Variants in LARGE1 observed in about 807,000 individuals in gnomAD.
LARGE1 encodes the protein LARGE xylosyl- and glucuronyltransferase 1.
LARGE1 carries 43 observed loss-of-function variants against 87.6 expected under a neutral mutation model. The observed-to-expected ratio is 0.49, with a 90% CI of 0.38 to 0.63. The LOEUF is 0.63. LARGE1 is among the 30% of genes least tolerant of loss of function. The pLI is 0.00. For synonymous variants in LARGE1, 434 were observed against 394.6 expected (o/e 1.10, Z -1.18); for missense variants, 802 against 1,000.2 (o/e 0.80, Z 2.67).
intron 1 of LARGE1, among the ~76,000 whole-genome samples, chr22:33,917,569 G>C (rs2065823538): frequency 6.6e-6 from 1 of 152,136 alleles, no homozygotes; most frequent in South Asian, 2.1e-4. Flanking sequence ...TGACTGCAGG[G>C]AATATGCAGT....
chr22:33,301,352 G>A (rs1375045619), intron 12 of LARGE1, among the ~76,000 whole-genome samples: 3 of 152,162 alleles, frequency 2.0e-5, no homozygotes, highest in African/African-American at 7.2e-5. Context: ...CACTCTGGTA[G>A]TTTGGGGTGG....
At chr22:33,068,324 A>T in the LARGE1 span, among the ~76,000 whole-genome samples, 1 of 152,146 alleles carries the variant, frequency 6.6e-6, no homozygotes, top group Non-Finnish European at 1.5e-5. Flanking sequence ...CTGCTATACT[A>T]GTAGGACGGG....
At chr22:33,470,519 C>T (rs148648705) in intron 6 of LARGE1, among the ~76,000 whole-genome samples, 5 of 152,312 alleles carry the variant, frequency 3.3e-5, no homozygotes, top group East Asian at 3.9e-4. Context: ...TTTTGCTCCA[C>T]GTTCTCCTCT....
chr22:33,645,808 GAC>G (rs1205420993), intron 3 of LARGE1, among the ~76,000 whole-genome samples: 1 of 152,170 alleles, frequency 6.6e-6, no homozygotes, highest in Non-Finnish European at 1.5e-5. Context: ...CTCAAAAGAA[GAC>G]ACTTATACGG....
intron 11 of LARGE1, among the ~76,000 whole-genome samples, chr22:33,241,603 T>C (rs12485184): frequency 0.049 from 7,478 of 152,034 alleles, 231 homozygotes; most frequent in Admixed American, 0.095. Context: ...TATATGTACA[T>C]ATATATGTAT....
At chr22:33,305,582 T>C (rs1934766953) in intron 11 of LARGE1, 1 of 985,350 alleles carries the variant, frequency 1.0e-6, no homozygotes, top group African/African-American at 1.7e-5. Flanking sequence ...GCCCACTTTA[T>C]TCGGACGATT....
intron 7 of LARGE1, among the ~76,000 whole-genome samples, chr22:33,395,152 C>T (rs1249582174): frequency 1.4e-5 from 2 of 145,102 alleles, no homozygotes. Context: ...TGGTGTGAAC[C>T]CCGGAGGCGG....
intron 5 of LARGE1, among the ~76,000 whole-genome samples, chr22:33,571,809 G>C (rs572024483): frequency 1.3e-5 from 2 of 152,138 alleles, no homozygotes; most frequent in South Asian, 4.2e-4. Flanking sequence ...ACTCTACTCT[G>C]AACTGATGTG....
the LARGE1 span, among the ~76,000 whole-genome samples, chr22:33,105,160 G>A: frequency 3.5e-5 from 5 of 143,944 alleles, no homozygotes; most frequent in African/African-American, 9.9e-5. Context: ...ACCAAGCCCC[G>A]CTATTTTTTT....
At chr22:33,635,118 C>CA (rs1269248304) in intron 3 of LARGE1, among the ~76,000 whole-genome samples, 3,478 of 130,452 alleles carry the variant, frequency 0.027, 85 homozygotes, top group African/African-American at 0.077. Flanking sequence ...ACTCCATCTC[C>CA]AAAAAAAAAA....
intron 1 of LARGE1, among the ~76,000 whole-genome samples, chr22:33,851,669 G>C (rs1351810703): frequency 6.6e-6 from 1 of 152,228 alleles, no homozygotes; most frequent in Non-Finnish European, 1.5e-5. Context: ...CAGAATTTCA[G>C]AGATCTCAGC....
chr22:33,298,732 G>A (rs1161683244), intron 12 of LARGE1, among the ~76,000 whole-genome samples: 1 of 152,214 alleles, frequency 6.6e-6, no homozygotes, highest in Non-Finnish European at 1.5e-5. Flanking sequence ...TTGGGAGGCT[G>A]AGGCAGGAAG....
intron 5 of LARGE1, among the ~76,000 whole-genome samples, chr22:33,569,534 T>C (rs1173369908): frequency 6.6e-6 from 1 of 152,178 alleles, no homozygotes; most frequent in African/African-American, 2.4e-5. Context: ...CAGGAAAAGG[T>C]GGAAAATTAA....
At chr22:33,077,086 G>C in the LARGE1 span, among the ~76,000 whole-genome samples, 1 of 152,036 alleles carries the variant, frequency 6.6e-6, no homozygotes, top group Non-Finnish European at 1.5e-5. Flanking sequence ...CACAAGAAAT[G>C]CTCAAAACTG....
chr22:33,337,952 T>C, intron 9 of LARGE1, 151 bp from the exon 10 acceptor site: 1 of 843,788 alleles, frequency 1.2e-6, no homozygotes, highest in Non-Finnish European at 1.9e-6. Context: ...TGGTTAAGGG[T>C]AGGGGCTCGG....
chr22:33,337,951 G>A, intron 9 of LARGE1, 150 bp from the exon 10 acceptor site: 1 of 845,508 alleles, frequency 1.2e-6, no homozygotes, highest in Non-Finnish European at 1.9e-6. Flanking sequence ...GTGGTTAAGG[G>A]TAGGGGCTCG....
At chr22:33,068,211 A>G in the LARGE1 span, among the ~76,000 whole-genome samples, 4 of 152,180 alleles carry the variant, frequency 2.6e-5, no homozygotes, top group Admixed American at 2.0e-4. Flanking sequence ...GGGTCACCTC[A>G]CTATGGGCAG....
chr22:33,471,953 G>A (rs954048942), intron 6 of LARGE1, among the ~76,000 whole-genome samples: 1 of 152,158 alleles, frequency 6.6e-6, no homozygotes, highest in African/African-American at 2.4e-5. Flanking sequence ...GGGAGGCTGA[G>A]GCAGGAGAAT....
chr22:33,320,105 T>A (rs1459047087), intron 10 of LARGE1, among the ~76,000 whole-genome samples: 2 of 152,214 alleles, frequency 1.3e-5, no homozygotes, highest in Non-Finnish European at 2.9e-5. Flanking sequence ...TCTCATTCCA[T>A]CTAAGATCTA....
Sources: allele counts gnomAD v4.1 joint callset (sites outside exome capture counted in the v4.1 genomes callset), GRCh38; gene constraint gnomAD v4.1.1; transcripts MANE v1.5; gene names NCBI Gene and HGNC (gene_info 2026-07-23, HGNC 2026-07-21).